Variants in SH2B3 observed in about 807,000 individuals in gnomAD.
The protein encoded by SH2B3 is SH2B adapter protein 3.
A neutral mutation model predicts 51.9 loss-of-function variants in SH2B3; 43 were observed. The observed-to-expected ratio is 0.83, with a 90% confidence interval of 0.65 to 1.07. SH2B3 has a LOEUF of 1.07. Among genes scored for constraint, SH2B3 ranks in the 50% least tolerant of loss-of-function variants. The pLI, the probability that SH2B3 is intolerant of heterozygous loss-of-function variation, is 0.00. For missense variants in SH2B3, 952 were observed against 834.3 expected, an observed-to-expected ratio of 1.14 and a Z score of -1.74; for synonymous variants, 396 against 376.0, an observed-to-expected ratio of 1.05 and a Z score of -0.62.
chr12:111,418,490 G>A lies in SH2B3; in HGVS notation c.345G>A (p.Leu115=). The A allele has an allele frequency of 7.3e-7, 1 of 1,372,440 alleles. No homozygotes were observed. The highest frequency in any genetic ancestry group is 1.5e-5 in the South Asian group (1 of 66,454). The allele number at this position is 1,372,440 out of a possible 1,614,324, so 85.0% of individuals were successfully genotyped here. A position where few individuals can be genotyped will look rare whatever the true frequency, so the allele number is the denominator to read the frequency against. The change falls in exon 2 of 8, where the codon CTG becomes CTA. Residue 115 remains leucine (L), a synonymous_variant. Transcript: ENST00000341259. The surrounding 1 kb of genome is among the most constrained non-coding windows in gnomAD (Gnocchi z 6.7). The stretch of plus-strand genomic sequence containing the variant: ...GCCCCGGCCCCGCCGCCCCTGGCCT[G>A]CCCAAGGCCCGCAGCTCTGAGGAGC... The part of the protein sequence containing the change: ...EPGPGPAAPG[L]PKARSSEELA...
At chr12:111,424,047 G>A (rs936496679) in intron 2 of SH2B3, among the ~76,000 whole-genome samples, 1 of 152,234 alleles carries the variant, frequency 6.6e-6, no homozygotes, top group Non-Finnish European at 1.5e-5. Flanking sequence ...AGGAGGCGGA[G>A]GTTGCAGTGA....
intron 2 of SH2B3, among the ~76,000 whole-genome samples, chr12:111,440,369 T>C (rs1873293119): frequency 6.6e-6 from 1 of 152,228 alleles, no homozygotes; most frequent in Admixed American, 6.5e-5. Context: ...TGTCCTTTGC[T>C]CTGGAACCAT....
intron 2 of SH2B3, among the ~76,000 whole-genome samples, chr12:111,431,744 G>A (rs1027425989): frequency 1.3e-5 from 2 of 152,088 alleles, no homozygotes; most frequent in Non-Finnish European, 2.9e-5. Context: ...TATTAGCATA[G>A]ACATTAGCAG....
At chr12:111,439,691 T>C (rs1474300820) in intron 2 of SH2B3, among the ~76,000 whole-genome samples, 1 of 152,216 alleles carries the variant, frequency 6.6e-6, no homozygotes. Flanking sequence ...CTCCTGTAGC[T>C]GCAGGGGAGT....
intron 2 of SH2B3, among the ~76,000 whole-genome samples, chr12:111,439,418 G>A (rs1488902562): frequency 6.6e-6 from 1 of 152,180 alleles, no homozygotes; most frequent in East Asian, 1.9e-4. Flanking sequence ...CCAACGTGCT[G>A]GGATTACAGG....
rs1192508758 is a variant in SH2B3, at chr12:111,448,877, C to A, written c.*575C>A. 6.5e-6 allele frequency: 1 copy of A among 153,652 alleles called. No homozygotes were observed. The highest frequency in any genetic ancestry group is 1.9e-4 in the East Asian group (1 of 5,206). 9.5% of individuals were successfully genotyped at this position (153,652 alleles called of 1,614,324 possible). ...GTCAAAAATGATTTAAAACATTTTA[C>A]CTCAGACTAATTTCTTTAAAGGATT... On this transcript the variant is annotated 3_prime_UTR_variant, in exon 8 of 8. Coordinates refer to ENST00000341259, the MANE Select transcript of SH2B3 (RefSeq NM_005475.3).
At position 111,449,823 on chromosome 12, in the gene SH2B3, C is replaced by T. The variant is rs1565994626; in HGVS notation, c.*1521C>T. On this transcript the variant is annotated 3_prime_UTR_variant, in exon 8 of 8. Transcript: ENST00000341259. ...CTGCCTGGGAGGAGGGTTAGGTCTG[C>T]TTCTTCCACTTATACTTAGTCTCTG... The T allele has an allele frequency of 6.6e-6, 1 of 152,202 alleles. No homozygotes were observed. The highest frequency in any genetic ancestry group is 1.9e-4 in the East Asian group (1 of 5,210). The allele number at this position is 152,202 out of a possible 1,614,324, so 9.4% of individuals were successfully genotyped here.
chr12:111,426,107 C>T (rs547599555), intron 2 of SH2B3, among the ~76,000 whole-genome samples: 6 of 152,264 alleles, frequency 3.9e-5, no homozygotes, highest in East Asian at 1.9e-4. Flanking sequence ...CTGAGCTAGA[C>T]GGAGGCGGGG....
chr12:111,421,738 T>A (rs911963564), intron 2 of SH2B3, among the ~76,000 whole-genome samples: 5 of 152,144 alleles, frequency 3.3e-5, no homozygotes, highest in Admixed American at 1.3e-4. Flanking sequence ...TTTTGAGTAC[T>A]GAATAGATTC....
intron 7 of SH2B3, 71 bp from the exon 8 acceptor site, chr12:111,447,912 A>G (rs1874195297): frequency 3.2e-6 from 5 of 1,551,440 alleles, no homozygotes; most frequent in Middle Eastern, 1.7e-4. Flanking sequence ...GGGTACAGGT[A>G]TCTTGTTCTG....
In SH2B3 at chr12:111,448,389, C is replaced by T; in HGVS notation, c.*87C>T. 2 of 1,032,622 alleles carry T rather than the reference C, an allele frequency of 1.9e-6. No individual in the cohort carries two copies. 64.0% of individuals were successfully genotyped at this position (1,032,622 alleles called of 1,614,324 possible). On this transcript the variant is annotated 3_prime_UTR_variant, in exon 8 of 8. Transcript: ENST00000341259. Reference sequence around the variant, plus strand: ...TGTGAATGTAATTGATCTTTCCTTCCTTCCAGAGAAAGATTTAAGGGACAC... The same window carrying T: ...TGTGAATGTAATTGATCTTTCCTTCTTTCCAGAGAAAGATTTAAGGGACAC...
In SH2B3 at chr12:111,451,594, A is replaced by G. The variant is rs960538709; in HGVS notation, c.*3292A>G. On this transcript the variant is annotated 3_prime_UTR_variant, in exon 8 of 8. Coordinates refer to ENST00000341259, the MANE Select transcript of SH2B3 (RefSeq NM_005475.3). ...TTTGCTATAATGTACAAATTGCTAT[A>G]TGTGAATTAAAAAGTTTTCAGAATC... is the stretch of plus-strand genomic sequence containing the variant. 6.5e-6 allele frequency: 1 copy of G among 152,682 alleles called. No individual in the cohort carries two copies. The highest frequency in any genetic ancestry group is 1.5e-5 in the Non-Finnish European group (1 of 68,050). The allele number at this position is 152,682 out of a possible 1,614,324, so 9.5% of individuals were successfully genotyped here. A position where few individuals can be genotyped will look rare whatever the true frequency, so the allele number is the denominator to read the frequency against.
In SH2B3 at chr12:111,406,457, C is replaced by A. The variant is rs1023936601; in HGVS notation, c.-28+180C>A. On this transcript the variant is annotated intron_variant, in intron 1 of 7. Coordinates refer to ENST00000341259, the MANE Select transcript of SH2B3 (RefSeq NM_005475.3). The surrounding 1 kb of genome is among the most constrained non-coding windows in gnomAD (Gnocchi z 5.7). ...GTGACGGCTCCCAGCGCCTACGACC[C>A]CCCACTCAGCCACTACCCCCACCCA... 1.3e-5 allele frequency among the ~76,000 whole-genome samples: 2 copies of A among 152,178 alleles called. No individual in the cohort carries two copies. Among genetic ancestry groups the A allele is most frequent in the Non-Finnish European group, 2.9e-5 (2 of 68,004 alleles).
At position 111,448,613 on chromosome 12, in the gene SH2B3, C is replaced by A. The variant is rs779834872; in HGVS notation, c.*311C>A. The A allele has an allele frequency of 3.3e-6, 1 of 301,094 alleles. No homozygotes were observed. The highest frequency in any genetic ancestry group is 6.2e-6 in the Non-Finnish European group (1 of 160,926). The allele number at this position is 301,094 out of a possible 1,614,324, so 18.7% of individuals were successfully genotyped here. On this transcript the variant is annotated 3_prime_UTR_variant, in exon 8 of 8. Transcript: ENST00000341259. ...TTAGAGAAAGGAGTTGGGGTGAGGG[C>A]CAGAGCTGGCAGTGGAAACTTGTTC...
Position 111,450,089 on chromosome 12 carries a change from A to T in SH2B3, c.*1787A>T, listed in dbSNP as rs893112561. On this transcript the variant is annotated 3_prime_UTR_variant, in exon 8 of 8. Coordinates refer to ENST00000341259, the MANE Select transcript of SH2B3 (RefSeq NM_005475.3). ...CAAGCACCAGCCACCATGCCTGGCTAATTTTGTATTTTTAGTAGAGACAGG... is the reference window on the plus strand; with the variant it reads ...CAAGCACCAGCCACCATGCCTGGCTTATTTTGTATTTTTAGTAGAGACAGG... The T allele has an allele frequency of 6.6e-6, 1 of 152,084 alleles. No homozygotes were observed. Among genetic ancestry groups the T allele is most frequent in the Admixed American group, 6.6e-5 (1 of 15,262 alleles). 9.4% of individuals were successfully genotyped at this position (152,084 alleles called of 1,614,324 possible).
intron 2 of SH2B3, among the ~76,000 whole-genome samples, chr12:111,423,886 G>A (rs927528852): frequency 3.3e-5 from 5 of 152,238 alleles, no homozygotes; most frequent in Non-Finnish European, 7.3e-5. Flanking sequence ...GCTGAGGCAG[G>A]TGGATCACCT....
At chr12:111,413,256 T>C (rs531432267) in intron 1 of SH2B3, among the ~76,000 whole-genome samples, 1 of 152,310 alleles carries the variant, frequency 6.6e-6, no homozygotes, top group South Asian at 2.1e-4. Context: ...TGATATGATC[T>C]TGGCATGGTG....
chr12:111,444,722 G>T, intron 2 of SH2B3: 2 of 985,534 alleles, frequency 2.0e-6, no homozygotes, highest in Non-Finnish European at 2.4e-6. Context: ...TGGGCATCTG[G>T]TGGTCCTTCC....
At chr12:111,431,900 A>G (rs1177970931) in intron 2 of SH2B3, among the ~76,000 whole-genome samples, 2 of 152,046 alleles carry the variant, frequency 1.3e-5, no homozygotes, top group Non-Finnish European at 2.9e-5. Flanking sequence ...AGCCACCACC[A>G]CACCCAGCCT....
Sources: allele counts gnomAD v4.1 joint callset (sites outside exome capture counted in the v4.1 genomes callset), GRCh38; gene constraint gnomAD v4.1.1; non-coding constraint Gnocchi (gnomAD v3.1); transcripts MANE v1.5; gene names NCBI Gene and HGNC (gene_info 2026-07-23, HGNC 2026-07-21).